MARCHF4: variants seen among roughly 807,000 people sequenced by gnomAD.
The protein encoded by MARCHF4 is membrane associated ring-CH-type finger 4.
A neutral mutation model predicts 43.9 loss-of-function variants in MARCHF4; 14 were observed. The ratio of observed to expected loss-of-function variants is 0.32; its 90% confidence interval spans 0.21 to 0.50. MARCHF4 has a LOEUF of 0.50. MARCHF4 is among the 20% of genes least tolerant of loss of function. The probability of loss-of-function intolerance (pLI) is 0.98; values close to 1 mark genes in which losing one functional copy is unlikely to be tolerated. For missense variants in MARCHF4, 468 were observed against 536.7 expected, an observed-to-expected ratio of 0.87 and a Z score of 1.27; for synonymous variants, 226 against 213.3, an observed-to-expected ratio of 1.06 and a Z score of -0.52.
At chr2:216,368,649 C>T (rs1692704448) in intron 1 of MARCHF4, among the ~76,000 whole-genome samples, 1 of 152,226 alleles carries the variant, frequency 6.6e-6, no homozygotes, top group African/African-American at 2.4e-5. Flanking sequence ...TACTGCACTG[C>T]CACTTCCTCA....
chr2:216,285,781 C>T (rs184952775), intron 1 of MARCHF4, among the ~76,000 whole-genome samples: 33 of 152,284 alleles, frequency 2.2e-4, no homozygotes, highest in Admixed American at 1.8e-3. Flanking sequence ...GGTGGAATTC[C>T]TCATTATTCG....
chr2:216,363,414 C>T (rs769259164), intron 1 of MARCHF4, among the ~76,000 whole-genome samples: 4 of 152,324 alleles, frequency 2.6e-5, no homozygotes, highest in Non-Finnish European at 5.9e-5. Flanking sequence ...ATGTTGTATC[C>T]GTGCTTATGC....
At chr2:216,321,175 A>G (rs1691890378) in intron 1 of MARCHF4, among the ~76,000 whole-genome samples, 1 of 152,050 alleles carries the variant, frequency 6.6e-6, no homozygotes, top group South Asian at 2.1e-4. Context: ...TCAAGACTCC[A>G]GGGCTTCTCA....
intron 1 of MARCHF4, among the ~76,000 whole-genome samples, chr2:216,317,845 A>C (rs17550379): frequency 0.072 from 10,991 of 152,314 alleles, 537 homozygotes; most frequent in South Asian, 0.2. Flanking sequence ...CACATTGACT[A>C]TCAGAGAATT....
intron 1 of MARCHF4, among the ~76,000 whole-genome samples, chr2:216,316,588 G>A (rs745600562): frequency 6.6e-6 from 1 of 152,124 alleles, no homozygotes; most frequent in Admixed American, 6.5e-5. Context: ...GACAGGGTCA[G>A]AAGAACTGAG....
intron 1 of MARCHF4, among the ~76,000 whole-genome samples, chr2:216,300,784 A>G (rs1204255010): frequency 2.0e-5 from 3 of 152,086 alleles, no homozygotes; most frequent in East Asian, 1.9e-4. Flanking sequence ...ATTCATTCCA[A>G]TGGTCTGGAA....
intron 1 of MARCHF4, among the ~76,000 whole-genome samples, chr2:216,327,966 A>G (rs958834969): frequency 6.6e-6 from 1 of 151,840 alleles, no homozygotes; most frequent in Non-Finnish European, 1.5e-5. Context: ...GCAAAAAAAA[A>G]AAAAGAAAAG....
chr2:216,337,646 A>G (rs1168231852), intron 1 of MARCHF4, among the ~76,000 whole-genome samples: 1 of 152,220 alleles, frequency 6.6e-6, no homozygotes, highest in Non-Finnish European at 1.5e-5. Flanking sequence ...ATGGCCTTAT[A>G]TAAGCCACTG....
intron 1 of MARCHF4, among the ~76,000 whole-genome samples, chr2:216,330,174 A>G (rs112121347): frequency 1.3e-3 from 200 of 152,270 alleles, no homozygotes; most frequent in Non-Finnish European, 2.2e-3. Context: ...GTAGATTTAT[A>G]GCATGAAGCA....
chr2:216,350,346 A>G (rs953398790), intron 1 of MARCHF4, among the ~76,000 whole-genome samples: 2 of 98,676 alleles, frequency 2.0e-5, no homozygotes, highest in African/African-American at 8.2e-5. Context: ...ACCATGCCAC[A>G]CTCCTTCATT....
intron 1 of MARCHF4, among the ~76,000 whole-genome samples, chr2:216,289,538 C>A (rs1190725520): frequency 6.6e-6 from 1 of 152,174 alleles, no homozygotes; most frequent in Non-Finnish European, 1.5e-5. Context: ...GCTGCAGACG[C>A]CAGTCTCCAG....
intron 1 of MARCHF4, among the ~76,000 whole-genome samples, chr2:216,324,619 G>A (rs986841418): frequency 6.6e-6 from 1 of 151,316 alleles, no homozygotes; most frequent in Non-Finnish European, 1.5e-5. Flanking sequence ...TATCTACCAT[G>A]ATCAAGTGGG....
intron 3 of MARCHF4, among the ~76,000 whole-genome samples, chr2:216,261,889 A>C (rs1228426880): frequency 6.6e-6 from 1 of 152,216 alleles, no homozygotes; most frequent in Non-Finnish European, 1.5e-5. Flanking sequence ...ATGGGGTAGA[A>C]GCAAGACCAG....
At chr2:216,355,897 C>G (rs912131187) in intron 1 of MARCHF4, among the ~76,000 whole-genome samples, 3 of 152,204 alleles carry the variant, frequency 2.0e-5, no homozygotes, top group Non-Finnish European at 4.4e-5. Flanking sequence ...TTCTCCCTCC[C>G]TCCTACCCAC....
intron 1 of MARCHF4, among the ~76,000 whole-genome samples, chr2:216,307,490 G>A (rs1353974242): frequency 6.6e-6 from 1 of 152,112 alleles, no homozygotes; most frequent in African/African-American, 2.4e-5. Context: ...TGAGCAAGGG[G>A]TAACTGGTGG....
chr2:216,264,166 C>T lies in MARCHF4; in HGVS notation c.866-4487G>A, dbSNP rs188422021. On this transcript the variant is annotated intron_variant, in intron 3 of 3. Transcript: ENST00000273067. The stretch of plus-strand genomic sequence containing the variant: ...TCAAACTGTGTCTGAAATCATGCCT[C>T]GCTCAACAAGTCTTCAAGGTTCATC... 1.1e-3 allele frequency among the ~76,000 whole-genome samples: 171 copies of T among 152,262 alleles called. 1 individual carries two copies. Among genetic ancestry groups the T allele is most frequent in the African/African-American group, 3.7e-3 (153 of 41,548 alleles).
chr2:216,285,544 G>A lies in MARCHF4; in HGVS notation c.517-1815C>T, dbSNP rs140920358. Among the ~76,000 whole-genome samples the A allele has an allele frequency of 7.0e-3, 1,060 of 152,334 alleles. 4 individuals carry two copies. The highest frequency in any genetic ancestry group is 0.014 in the Middle Eastern group (4 of 294). On this transcript the variant is annotated intron_variant, in intron 1 of 3. Coordinates refer to ENST00000273067, the MANE Select transcript of MARCHF4 (RefSeq NM_020814.3). Reference sequence around the variant, plus strand: ...ATCCAATTTTGAGAGCTGAATGCACGCATATCTGTTTTATGAACGAGAAGT... The same window carrying A: ...ATCCAATTTTGAGAGCTGAATGCACACATATCTGTTTTATGAACGAGAAGT...
intron 1 of MARCHF4, among the ~76,000 whole-genome samples, chr2:216,347,592 G>A (rs989873964): frequency 2.0e-5 from 3 of 152,074 alleles, no homozygotes; most frequent in African/African-American, 7.2e-5. Context: ...GCCGGGCGTG[G>A]TGGTGGGCGC....
intron 1 of MARCHF4, among the ~76,000 whole-genome samples, chr2:216,301,079 G>A (rs1691486103): frequency 6.6e-6 from 1 of 152,280 alleles, no homozygotes; most frequent in Non-Finnish European, 1.5e-5. Flanking sequence ...ATCCTGCTGG[G>A]GAGACCCAAG....
Sources: allele counts gnomAD v4.1 joint callset (sites outside exome capture counted in the v4.1 genomes callset), GRCh38; gene constraint gnomAD v4.1.1; transcripts MANE v1.5; gene names NCBI Gene and HGNC (gene_info 2026-07-23, HGNC 2026-07-21).